IPO9: variants seen among roughly 807,000 people sequenced by gnomAD.
IPO9 encodes importin 9.
A neutral mutation model predicts 128.6 loss-of-function variants in IPO9; 28 were observed. That is an observed-to-expected ratio of 0.22 (90% CI 0.16 to 0.30). The LOEUF is 0.30. Among genes scored for constraint, IPO9 ranks in the 10% least tolerant of loss-of-function variants. IPO9 has a pLI of 1.00. For synonymous variants in IPO9, 455 were observed against 475.8 expected, an observed-to-expected ratio of 0.96 and a Z score of 0.57; for missense variants, 935 against 1,293.9, an observed-to-expected ratio of 0.72 and a Z score of 4.26.
chr1:201,872,567 T>C (rs1477869834), intron 19 of IPO9, among the ~76,000 whole-genome samples: 4 of 151,876 alleles, frequency 2.6e-5, no homozygotes, highest in Non-Finnish European at 4.4e-5. Context: ...ATCACACCAC[T>C]GCACTCAGCC....
intron 1 of IPO9, among the ~76,000 whole-genome samples, chr1:201,844,533 A>G (rs1312905485): frequency 6.6e-6 from 1 of 152,226 alleles, no homozygotes; most frequent in East Asian, 1.9e-4. Context: ...GTTCTTATCA[A>G]GTCTAGTTTA....
chr1:201,838,148 C>A (rs915121481), intron 1 of IPO9, among the ~76,000 whole-genome samples: 2 of 152,184 alleles, frequency 1.3e-5, no homozygotes, highest in African/African-American at 4.8e-5. Flanking sequence ...AAGGAAGTTA[C>A]ATAAGGCACA....
rs1049233470 is a variant in IPO9, at chr1:201,863,600, A to C, written c.1621A>C (p.Ile541Leu). 6.3e-7 allele frequency: 1 copy of C among 1,585,894 alleles called. No individual in the cohort carries two copies. Among genetic ancestry groups the C allele is most frequent in the Non-Finnish European group, 8.6e-7 (1 of 1,157,276 alleles). ...AGTTCGAATTTCTGCAGTGAGAGCC[A>C]TCTGGGGGTGAGTATGCTACCCTAG... The part of the protein sequence containing the change: ...PSVRISAVRA[I>L]WGYCDQLKVS... Residue 541 changes from isoleucine (I) to leucine (L), a missense_variant, in exon 14 of 24, where the codon ATC becomes CTC. By Grantham distance (5) the Ile-to-Leu change is conservative. Coordinates refer to ENST00000361565, the MANE Select transcript of IPO9 (RefSeq NM_018085.5).
In IPO9 at chr1:201,876,256, C is replaced by G. The variant is rs928989115; in HGVS notation, c.*202C>G. ...AGGAATGCTGGAACAAAGGACATTT[C>G]TCAAAGTTCCCCTGAAGACATGCCA... is the stretch of plus-strand genomic sequence containing the variant. On this transcript the variant is annotated 3_prime_UTR_variant, in exon 24 of 24. Transcript: ENST00000361565. 4.3e-6 allele frequency: 3 copies of G among 693,766 alleles called. No individual in the cohort carries two copies. In the African/African-American group the frequency reaches 5.3e-5, roughly 12 times the overall value. The allele number at this position is 693,766 out of a possible 1,614,324, so 43.0% of individuals were successfully genotyped here. A position where few individuals can be genotyped will look rare whatever the true frequency, so the allele number is the denominator to read the frequency against.
intron 2 of IPO9, 25 bp from the exon 3 acceptor site, chr1:201,847,527 A>G: frequency 3.8e-6 from 6 of 1,592,570 alleles, no homozygotes; most frequent in Non-Finnish European, 5.2e-6. Flanking sequence ...TTCTTGCTGT[A>G]CTACTTGGCT....
Position 201,877,561 on chromosome 1 carries a change from G to T in IPO9, c.*1507G>T, listed in dbSNP as rs10920269. ...CCTGTGTTCCCCTTTTTTTGGTAGT[G>T]CCCACATCTGGTGCCCCATTTTTAA... On this transcript the variant is annotated 3_prime_UTR_variant, in exon 24 of 24. Coordinates refer to ENST00000361565, the MANE Select transcript of IPO9 (RefSeq NM_018085.5). 0.16 allele frequency: 23,567 copies of T among 151,760 alleles called. 2,349 individuals carry two copies. Among genetic ancestry groups the T allele is most frequent in the South Asian group, 0.26 (1,248 of 4,804 alleles). The allele number at this position is 151,760 out of a possible 1,614,324, so 9.4% of individuals were successfully genotyped here. A position where few individuals can be genotyped will look rare whatever the true frequency, so the allele number is the denominator to read the frequency against.
chr1:201,871,033 T>C (rs1442274776), intron 18 of IPO9, 128 bp from the exon 19 acceptor site: 98 of 1,261,282 alleles, frequency 7.8e-5, no homozygotes, highest in Non-Finnish European at 9.8e-5. Flanking sequence ...AAATCTCCCA[T>C]GTTTTCTTGT....
intron 13 of IPO9, among the ~76,000 whole-genome samples, chr1:201,860,287 A>T (rs887207124): frequency 2.0e-5 from 3 of 152,234 alleles, no homozygotes; most frequent in South Asian, 2.1e-4. Flanking sequence ...CGGGTGTCTC[A>T]GTCCATCACT....
intron 20 of IPO9, 143 bp downstream of exon 20, chr1:201,873,104 A>T: frequency 1.0e-6 from 1 of 997,848 alleles, no homozygotes; most frequent in South Asian, 1.9e-5. Context: ...CAGGAAACTT[A>T]GGTAAAAGGG....
intron 1 of IPO9, among the ~76,000 whole-genome samples, chr1:201,846,058 T>C (rs78137575): frequency 1.1e-3 from 163 of 152,338 alleles, no homozygotes; most frequent in Non-Finnish European, 1.7e-3. Context: ...CAGTGAGCTA[T>C]TACTATGCCA....
At chr1:201,855,323 G>A (rs902934333) in intron 9 of IPO9, 141 bp downstream of exon 9, 37 of 581,424 alleles carry the variant, frequency 6.4e-5, no homozygotes, top group Admixed American at 1.2e-4. Context: ...CGATGTATTC[G>A]ATGTGGGGAA....
chr1:201,847,675 T>C, intron 3 of IPO9, 37 bp downstream of exon 3: 1 of 1,388,254 alleles, frequency 7.2e-7, no homozygotes, highest in Non-Finnish European at 1.0e-6. Flanking sequence ...CTGAGGAGAT[T>C]TGAGGGTCCA....
intron 1 of IPO9, among the ~76,000 whole-genome samples, chr1:201,833,579 A>G (rs1034135013): frequency 2.0e-5 from 3 of 152,070 alleles, no homozygotes; most frequent in African/African-American, 7.2e-5. Flanking sequence ...TATTTTTGCT[A>G]GTCACTTGGA....
chr1:201,874,311 G>A lies in IPO9; in HGVS notation c.2772G>A (p.Glu924=), dbSNP rs1447958442. The A allele has an allele frequency of 6.2e-7, 1 of 1,614,006 alleles. No homozygotes were observed. Among genetic ancestry groups the A allele is most frequent in the Admixed American group, 1.7e-5 (1 of 60,014 alleles). Residue 924 remains glutamate, a synonymous_variant, in exon 21 of 24, where the codon GAG becomes GAA. Coordinates refer to ENST00000361565, the MANE Select transcript of IPO9 (RefSeq NM_018085.5). ...LVKILKLIIN[E]LSNVMEANAA... ...AGATCCTAAAGCTGATCATCAACGA[G>A]CTCTCCAACGTCATGGAGGCTAATG...
rs1680903312 is a variant in IPO9 at position 201,882,434 on chromosome 1, A to AAAG, written c.*6382_*6383insGAA. The AAAG allele has an allele frequency of 8.0e-6, 1 of 125,648 alleles. No homozygotes were observed. Among genetic ancestry groups the AAAG allele is most frequent in the Non-Finnish European group, 1.6e-5 (1 of 63,866 alleles). The allele number at this position is 125,648 out of a possible 1,614,324, so 7.8% of individuals were successfully genotyped here. A position where few individuals can be genotyped will look rare whatever the true frequency, so the allele number is the denominator to read the frequency against. On this transcript the variant is annotated 3_prime_UTR_variant, in exon 24 of 24. Transcript: ENST00000361565. ...GCGACAGAGCGACACTCTGCCTCAA[A>AAAG]AAAAAAAAAAAACAAAAAAAAAAAC...
At chr1:201,852,513 C>T (rs1371591902) in intron 5 of IPO9, among the ~76,000 whole-genome samples, 1 of 152,180 alleles carries the variant, frequency 6.6e-6, no homozygotes, top group Non-Finnish European at 1.5e-5. Flanking sequence ...GCTTGCCTAC[C>T]TCAGCTAAGT....
intron 6 of IPO9, among the ~76,000 whole-genome samples, chr1:201,853,961 A>C (rs761747002): frequency 5.6e-4 from 85 of 151,828 alleles, no homozygotes; most frequent in Middle Eastern, 3.2e-3. Context: ...TGGTCTCAAT[A>C]TCTTGACCTC....
chr1:201,868,368 A>G (rs1032610152), intron 15 of IPO9, among the ~76,000 whole-genome samples: 24 of 151,378 alleles, frequency 1.6e-4, no homozygotes, highest in Non-Finnish European at 2.7e-4. Context: ...TAAAGACTTT[A>G]AAGATTTTTC....
At chr1:201,875,064 C>A in intron 22 of IPO9, 88 bp from the exon 23 acceptor site, 1 of 1,389,024 alleles carries the variant, frequency 7.2e-7, no homozygotes, top group Non-Finnish European at 1.0e-6. Context: ...TTGCACCTTC[C>A]GCCTCAGTCA....
Sources: gnomAD v4.1 joint callset for allele counts (sites outside exome capture counted in the v4.1 genomes callset) on GRCh38, gnomAD v4.1.1 for gene constraint, MANE v1.5 for transcripts, NCBI Gene and HGNC (gene_info 2026-07-23, HGNC 2026-07-21) for gene names.